Variants in WWC2 observed in about 807,000 individuals in gnomAD.
WWC2 encodes protein WWC2.
WWC2 carries 101 observed loss-of-function variants against 138.5 expected under a neutral mutation model. The ratio of observed to expected loss-of-function variants is 0.73; its 90% CI spans 0.62 to 0.86. The LOEUF (loss-of-function observed/expected upper bound fraction) is 0.86, where lower values mean the gene tolerates loss of function less well. Ranked by LOEUF, WWC2 falls within the 40% of genes least tolerant of loss-of-function variation. The pLI, the probability that WWC2 is intolerant of heterozygous loss-of-function variation, is 0.00. For synonymous variants in WWC2, 558 were observed against 538.4 expected (o/e 1.04, Z -0.50); for missense variants, 1,420 against 1,419.4 (o/e 1.00, Z -0.01).
At chr4:183,133,841 T>C (rs1733024858) in intron 1 of WWC2, among the ~76,000 whole-genome samples, 1 of 152,194 alleles carries the variant, frequency 6.6e-6, no homozygotes, top group Non-Finnish European at 1.5e-5. Context: ...TTATGCACCA[T>C]GATGAAATGA....
intron 1 of WWC2, among the ~76,000 whole-genome samples, chr4:183,181,518 C>G (rs754474979): frequency 2.0e-5 from 3 of 152,144 alleles, no homozygotes; most frequent in Non-Finnish European, 2.9e-5. Flanking sequence ...CTTGAAGCAT[C>G]AATAAATACA....
At chr4:183,254,115 A>G (rs2111343036) in intron 9 of WWC2, 116 bp downstream of exon 9, 1 of 1,430,870 alleles carries the variant, frequency 7.0e-7, no homozygotes, top group Non-Finnish European at 9.3e-7. Context: ...GGACTGAGAA[A>G]CAGCACAAAT....
chr4:183,262,816 G>A (rs1346464338), intron 11 of WWC2, among the ~76,000 whole-genome samples: 1 of 152,110 alleles, frequency 6.6e-6, no homozygotes, highest in Non-Finnish European at 1.5e-5. Context: ...GTTAGGGGGT[G>A]CATACCACTC....
chr4:183,151,934 T>A (rs1193134393), intron 1 of WWC2, among the ~76,000 whole-genome samples: 1 of 151,344 alleles, frequency 6.6e-6, no homozygotes, highest in Admixed American at 6.6e-5. Flanking sequence ...GCTGAAAAAC[T>A]AAACAATTTA....
intron 11 of WWC2, among the ~76,000 whole-genome samples, chr4:183,264,092 G>A (rs1737419525): frequency 6.6e-6 from 1 of 152,186 alleles, no homozygotes; most frequent in Non-Finnish European, 1.5e-5. Flanking sequence ...AAAGGGGGGT[G>A]GGCGGAGAGA....
intron 1 of WWC2, 91 bp downstream of exon 1, chr4:183,099,713 G>A (rs937391630): frequency 2.7e-6 from 3 of 1,129,696 alleles, no homozygotes; most frequent in Admixed American, 9.8e-5. Context: ...GGCGGCGCCG[G>A]CCCGCGGTGC....
At chr4:183,235,804 A>G (rs1013319583) in intron 4 of WWC2, among the ~76,000 whole-genome samples, 26 of 152,336 alleles carry the variant, frequency 1.7e-4, no homozygotes, top group Non-Finnish European at 2.9e-4. Context: ...TGGGAGCACT[A>G]ATATCTCTTC....
chr4:183,254,293 A>G (rs534268532), intron 9 of WWC2, among the ~76,000 whole-genome samples: 5 of 152,322 alleles, frequency 3.3e-5, no homozygotes, highest in East Asian at 1.9e-4. Flanking sequence ...GCTATAAACT[A>G]TTGCACTCCG....
At chr4:183,141,139 A>G (rs56940991) in intron 1 of WWC2, among the ~76,000 whole-genome samples, 39,598 of 152,120 alleles carry the variant, frequency 0.26, 6,173 homozygotes, top group African/African-American at 0.43. Flanking sequence ...TCAGGCTGCC[A>G]TAACAAAATA....
chr4:183,241,085 G>A (rs562902392), intron 5 of WWC2, among the ~76,000 whole-genome samples: 34 of 152,276 alleles, frequency 2.2e-4, no homozygotes, highest in Non-Finnish European at 3.8e-4. Flanking sequence ...ACATGACCAC[G>A]GAGAGGAGTT....
At chr4:183,253,621 A>G (rs573324687) in intron 8 of WWC2, 136 bp from the exon 9 acceptor site, 1 of 1,039,922 alleles carries the variant, frequency 9.6e-7, no homozygotes, top group African/African-American at 1.6e-5. Flanking sequence ...TCTCACCAGT[A>G]GACCACACCT....
At chr4:183,233,143 T>A (rs1641485540) in intron 4 of WWC2, among the ~76,000 whole-genome samples, 1 of 147,568 alleles carries the variant, frequency 6.8e-6, no homozygotes, top group Admixed American at 6.8e-5. Context: ...TTTTTCTTTT[T>A]AAACCTTTTT....
chr4:183,114,012 G>A (rs1002566915), intron 1 of WWC2, among the ~76,000 whole-genome samples: 1 of 152,100 alleles, frequency 6.6e-6, no homozygotes, highest in Admixed American at 6.5e-5. Flanking sequence ...TATCCATTTG[G>A]ATTGCTAATC....
intron 1 of WWC2, among the ~76,000 whole-genome samples, chr4:183,190,990 C>A (rs978510394): frequency 6.6e-6 from 1 of 152,092 alleles, no homozygotes; most frequent in African/African-American, 2.4e-5. Flanking sequence ...CTCGTGTTTT[C>A]TCCTTCTTCA....
chr4:183,279,514 T>A (rs191602358), intron 16 of WWC2, among the ~76,000 whole-genome samples: 117 of 152,342 alleles, frequency 7.7e-4, no homozygotes, highest in African/African-American at 2.6e-3. Flanking sequence ...GAGGATTCCC[T>A]CTTTTTCTAT....
At chr4:183,296,816 C>T (rs1738643850) in intron 21 of WWC2, among the ~76,000 whole-genome samples, 1 of 151,716 alleles carries the variant, frequency 6.6e-6, no homozygotes, top group South Asian at 2.1e-4. Context: ...TGCCTGTAGT[C>T]CCAGCTACTC....
At chr4:183,137,284 A>G (rs938561689) in intron 1 of WWC2, among the ~76,000 whole-genome samples, 1 of 152,222 alleles carries the variant, frequency 6.6e-6, no homozygotes, top group African/African-American at 2.4e-5. Flanking sequence ...CTTTTTTTAA[A>G]TAACAGCCTA....
At chr4:183,119,463 T>C (rs1561423110) in intron 1 of WWC2, among the ~76,000 whole-genome samples, 1 of 152,218 alleles carries the variant, frequency 6.6e-6, no homozygotes, top group Non-Finnish European at 1.5e-5. Flanking sequence ...ACTTGTCCTT[T>C]ACACAGTTAG....
At chr4:183,280,713 T>C in intron 16 of WWC2, 63 bp from the exon 17 acceptor site, 1 of 1,514,850 alleles carries the variant, frequency 6.6e-7, no homozygotes, top group Non-Finnish European at 8.9e-7. Context: ...TCCCATCTGC[T>C]GAGTTTTTAA....
Sources: gnomAD v4.1 joint callset for allele counts (sites outside exome capture counted in the v4.1 genomes callset) on GRCh38, gnomAD v4.1.1 for gene constraint, MANE v1.5 for transcripts, NCBI Gene and HGNC (gene_info 2026-07-23, HGNC 2026-07-21) for gene names.